ABCC4: variants seen among roughly 807,000 people sequenced by gnomAD.
The protein encoded by ABCC4 is ATP-binding cassette sub-family C member 4.
Under a neutral mutation model 168.5 loss-of-function variants are expected in ABCC4, and 102 were observed. That is an observed-to-expected ratio of 0.61 (90% CI 0.52 to 0.71). The LOEUF is 0.71. Ranked by LOEUF, ABCC4 falls within the 30% of genes least tolerant of loss-of-function variation. The pLI is 0.00. For synonymous variants in ABCC4, 617 were observed against 590.7 expected (o/e 1.04, Z -0.65); for missense variants, 1,402 against 1,605.8 (o/e 0.87, Z 2.17).
Position 95,148,629 on chromosome 13 carries a change from C to G in ABCC4, c.2455+12560G>C, listed in dbSNP as rs181566120. On this transcript the variant is annotated intron_variant, in intron 19 of 30. Transcript: ENST00000645237. ...ACACACACACACACACACACACACA[C>G]ACACACACAATCAATGCTTCTTAAG... Among the ~76,000 whole-genome samples the G allele has an allele frequency of 2.6e-3, 389 of 151,424 alleles. 1 individual carries two copies. Among genetic ancestry groups the G allele is most frequent in the Middle Eastern group, 0.01 (3 of 294 alleles).
chr13:95,040,559 C>T (rs1317384360), intron 29 of ABCC4, among the ~76,000 whole-genome samples: 1 of 152,178 alleles, frequency 6.6e-6, no homozygotes, highest in African/African-American at 2.4e-5. Context: ...TCTACCTTCA[C>T]ATTAGTTCTT....
At chr13:95,023,430 A>G (rs923797584) in intron 30 of ABCC4, among the ~76,000 whole-genome samples, 1 of 152,140 alleles carries the variant, frequency 6.6e-6, no homozygotes, top group African/African-American at 2.4e-5. Context: ...GCAGGTGATG[A>G]AGGGAGTTGA....
At chr13:95,074,428 A>G (rs1367452135) in intron 22 of ABCC4, 104 bp from the exon 23 acceptor site, 3 of 804,838 alleles carry the variant, frequency 3.7e-6, no homozygotes, top group Non-Finnish European at 6.0e-6. Context: ...GTAGGGCACC[A>G]AAGTTGCACA....
intron 19 of ABCC4, among the ~76,000 whole-genome samples, chr13:95,121,482 A>T (rs1172981487): frequency 6.8e-6 from 1 of 147,726 alleles, no homozygotes; most frequent in African/African-American, 2.5e-5. Context: ...GTCAAGGCTC[A>T]CTGGAGCCTT....
At position 95,071,854 on chromosome 13, in the gene ABCC4, C is replaced by G; in HGVS notation, c.3019-1G>C. ...CAATGACCCTTTCTACTGAGATCAT[C>G]TGAAAGAAATATGACATCCCGAGGG... is the stretch of plus-strand genomic sequence containing the variant. On this transcript the variant is annotated splice_acceptor_variant, in intron 24 of 30. Transcript: ENST00000645237. LOFTEE classifies it high-confidence loss of function. 1 of 1,526,424 alleles carries G rather than the reference C, an allele frequency of 6.6e-7. No homozygotes were observed. Among genetic ancestry groups the G allele is most frequent in the Non-Finnish European group, 8.8e-7 (1 of 1,140,278 alleles). 94.6% of individuals were successfully genotyped at this position (1,526,424 alleles called of 1,614,324 possible). A position where few individuals can be genotyped will look rare whatever the true frequency, so the allele number is the denominator to read the frequency against.
At chr13:95,049,828 T>A (rs188017418) in intron 27 of ABCC4, among the ~76,000 whole-genome samples, 2 of 152,274 alleles carry the variant, frequency 1.3e-5, no homozygotes, top group East Asian at 3.9e-4. Context: ...ATCTTTCCTT[T>A]TTATGTGGTT....
intron 29 of ABCC4, among the ~76,000 whole-genome samples, chr13:95,038,004 G>A (rs962337021): frequency 2.0e-5 from 3 of 152,046 alleles, no homozygotes; most frequent in African/African-American, 7.2e-5. Flanking sequence ...ACAGGTGCAC[G>A]CCGCCAAAGC....
intron 3 of ABCC4, among the ~76,000 whole-genome samples, chr13:95,240,161 T>A (rs972098988): frequency 6.6e-6 from 1 of 151,986 alleles, no homozygotes; most frequent in African/African-American, 2.4e-5. Flanking sequence ...ATGTAGAGGG[T>A]CACAAGAGGG....
intron 25 of ABCC4, among the ~76,000 whole-genome samples, chr13:95,070,200 T>C (rs1368658536): frequency 6.6e-6 from 1 of 152,074 alleles, no homozygotes; most frequent in East Asian, 1.9e-4. Flanking sequence ...GCCGGGAATG[T>C]GACATTGCAC....
At chr13:95,108,637 TTTTC>T (rs1365678617) in intron 20 of ABCC4, among the ~76,000 whole-genome samples, 1 of 120,010 alleles carries the variant, frequency 8.3e-6, no homozygotes, top group East Asian at 2.1e-4. Context: ...GTTAAATCTA[TTTTC>T]TTTTTTTTTT....
At chr13:95,073,140 T>A in intron 24 of ABCC4, 64 bp downstream of exon 24, 3 of 1,311,926 alleles carry the variant, frequency 2.3e-6, no homozygotes, top group Non-Finnish European at 3.3e-6. Context: ...CACATAAGAA[T>A]GGCTTTTATA....
At chr13:95,070,615 G>C (rs548819367) in intron 25 of ABCC4, among the ~76,000 whole-genome samples, 30 of 152,284 alleles carry the variant, frequency 2.0e-4, no homozygotes, top group African/African-American at 6.3e-4. Flanking sequence ...CTTTGAGTGA[G>C]TCTCTGGTGC....
In ABCC4 at chr13:95,209,498, T is replaced by C. The variant is rs1351598173; in HGVS notation, c.721A>G (p.Met241Val). ...MEIGISCLAGMAVLIILLPLQ... is the reference protein window; with the variant it reads ...MEIGISCLAGVAVLIILLPLQ... ...GGCAGGAGAATGATTAGAACTGCCA[T>C]CCCAGCAAGGCACGATATTCCTATC... Residue 241 changes from methionine to valine, a missense_variant, in exon 6 of 31, where the codon ATG becomes GTG. By Grantham distance (21) the Met-to-Val change is conservative. This residue lies in a region of ABCC4 where 317 missense variants were observed against 345.5 expected (regional missense o/e 0.92). Transcript: ENST00000645237. 1.2e-6 allele frequency: 2 copies of C among 1,614,180 alleles called. No homozygotes were observed. The highest frequency in any genetic ancestry group is 1.7e-6 in the Non-Finnish European group (2 of 1,180,006).
intron 1 of ABCC4, among the ~76,000 whole-genome samples, chr13:95,290,105 T>TTGATAGATAGAC (rs2041355449): frequency 8.1e-6 from 1 of 122,842 alleles, no homozygotes; most frequent in Non-Finnish European, 1.8e-5. Flanking sequence ...TCAAAAAAAA[T>TTGATAGATAGAC]AGATAGATAG....
chr13:95,044,330 T>G lies in ABCC4; in HGVS notation c.3565A>C (p.Arg1189=), dbSNP rs1388572915. ...ATCTGATTTTTCCTGAGAATTGCCC[T>G]GGCAAGGCACACCAGTTGTCTTTGT... ...VGQRQLVCLA[R]AILRKNQILI... The change falls in exon 28 of 31, where the codon AGG becomes CGG. Residue 1189 remains arginine, a synonymous_variant. Transcript: ENST00000645237. The G allele has an allele frequency of 1.2e-6, 2 of 1,613,698 alleles. No homozygotes were observed. Among genetic ancestry groups the G allele is most frequent in the Non-Finnish European group, 1.7e-6 (2 of 1,179,900 alleles).
In ABCC4 at chr13:95,048,717, T is replaced by C. The variant is rs73555592; in HGVS notation, c.3457-4279A>G. Among the ~76,000 whole-genome samples the C allele has an allele frequency of 2.5e-3, 379 of 152,354 alleles. 4 individuals carry two copies. Among genetic ancestry groups the C allele is most frequent in the Middle Eastern group, 0.01 (3 of 294 alleles). On this transcript the variant is annotated intron_variant, in intron 27 of 30. Coordinates refer to ENST00000645237, the MANE Select transcript of ABCC4 (RefSeq NM_005845.5). Reference sequence around the variant, plus strand: ...CATCCTTGTATTCTAACAGCAATTCTATCAATGTTGAACATGATTAGATAA... The same window carrying C: ...CATCCTTGTATTCTAACAGCAATTCCATCAATGTTGAACATGATTAGATAA...
At chr13:95,254,448 C>T (rs1211046775) in intron 1 of ABCC4, among the ~76,000 whole-genome samples, 1 of 152,160 alleles carries the variant, frequency 6.6e-6, no homozygotes, top group Non-Finnish European at 1.5e-5. Flanking sequence ...TTCAACACCT[C>T]CTCCTCTTGG....
chr13:95,192,117 G>A (rs1184132749), intron 9 of ABCC4, among the ~76,000 whole-genome samples: 2 of 152,218 alleles, frequency 1.3e-5, no homozygotes, highest in Non-Finnish European at 2.9e-5. Flanking sequence ...CGGGGCCACA[G>A]ACTTTACAGC....
chr13:95,230,501 G>A (rs1288139973), intron 4 of ABCC4, among the ~76,000 whole-genome samples: 1 of 152,216 alleles, frequency 6.6e-6, no homozygotes. Context: ...ACTCGGCCGG[G>A]TACAGTGGCT....
Sources: gnomAD v4.1 joint callset for allele counts (sites outside exome capture counted in the v4.1 genomes callset) on GRCh38, gnomAD v4.1.1 for gene constraint, gnomAD v4.1.1 regional missense constraint, MANE v1.5 for transcripts, NCBI Gene and HGNC (gene_info 2026-07-23, HGNC 2026-07-21) for gene names.